The following AOX1 variants were observed in gnomAD, a reference collection of about 807,000 sequenced individuals.
AOX1 encodes the protein aldehyde oxidase.
Under a neutral mutation model 169.5 loss-of-function variants are expected in AOX1, and 153 were observed. The ratio of observed to expected loss-of-function variants is 0.90; its 90% CI spans 0.79 to 1.03. The LOEUF (loss-of-function observed/expected upper bound fraction) is 1.03. Among genes scored for constraint, AOX1 ranks in the 50% least tolerant of loss-of-function variants. The probability of loss-of-function intolerance (pLI) is 0.00; values close to 1 mark genes in which losing one functional copy is unlikely to be tolerated. For missense variants in AOX1, 1,656 were observed against 1,663.9 expected, an observed-to-expected ratio of 1.00 and a Z score of 0.08; for synonymous variants, 562 against 581.9, an observed-to-expected ratio of 0.97 and a Z score of 0.49.
chr2:200,651,250 C>T (rs371407111), intron 26 of AOX1, 49 bp downstream of exon 26: 3 of 1,535,424 alleles, frequency 2.0e-6, no homozygotes, highest in Non-Finnish European at 2.7e-6. Flanking sequence ...GCAGCCCTGA[C>T]AAAGCAAGAG....
chr2:200,646,614 T>C (rs923336092), intron 25 of AOX1, among the ~76,000 whole-genome samples: 13 of 152,224 alleles, frequency 8.5e-5, no homozygotes, highest in African/African-American at 3.1e-4. Context: ...TGTTTCTTTG[T>C]TGACTTTCTG....
chr2:200,631,181 A>T (rs2035119102), intron 20 of AOX1, among the ~76,000 whole-genome samples: 1 of 152,228 alleles, frequency 6.6e-6, no homozygotes, highest in Non-Finnish European at 1.5e-5. Flanking sequence ...GTGTCACAGC[A>T]CCAGAGGATG....
At chr2:200,592,932 A>G (rs2034205244) in intron 1 of AOX1, among the ~76,000 whole-genome samples, 1 of 152,226 alleles carries the variant, frequency 6.6e-6, no homozygotes, top group Non-Finnish European at 1.5e-5. Flanking sequence ...GCGATAATTC[A>G]GGACCAAGGA....
chr2:200,593,847 T>A (rs1462892435), intron 2 of AOX1, among the ~76,000 whole-genome samples: 8 of 152,144 alleles, frequency 5.3e-5, no homozygotes, highest in Admixed American at 5.2e-4. Context: ...TGAAACATGC[T>A]CATGAAAGTC....
At position 200,636,815 on chromosome 2, in the gene AOX1, G is replaced by T. The variant is rs560382338; in HGVS notation, c.2347-96G>T. ...GTCCATTTCAGGGGACAGGTTTTTTGTTGTTGTTGTTAAAATCATAGATGT... is the reference window on the plus strand; with the variant it reads ...GTCCATTTCAGGGGACAGGTTTTTTTTTGTTGTTGTTAAAATCATAGATGT... On this transcript the variant is annotated intron_variant, in intron 21 of 34. Coordinates refer to ENST00000374700, the MANE Select transcript of AOX1 (RefSeq NM_001159.4). 2,106 of 1,430,416 alleles carry T rather than the reference G, an allele frequency of 1.5e-3. 2 individuals carry two copies. The highest frequency in any genetic ancestry group is 3.0e-3 in the African/African-American group (208 of 70,028). 88.6% of individuals were successfully genotyped at this position (1,430,416 alleles called of 1,614,324 possible).
chr2:200,588,846 G>C (rs1418342124), intron 1 of AOX1, among the ~76,000 whole-genome samples: 1 of 149,336 alleles, frequency 6.7e-6, no homozygotes, highest in Non-Finnish European at 1.5e-5. Context: ...TAGAGATGGG[G>C]TTTCACTATG....
At chr2:200,620,988 C>G in intron 17 of AOX1, 132 bp from the exon 18 acceptor site, 5 of 1,350,784 alleles carry the variant, frequency 3.7e-6, no homozygotes, top group Non-Finnish European at 5.0e-6. Flanking sequence ...TTCGTTGTCC[C>G]AAGAATTTTT....
Position 200,604,007 on chromosome 2 carries a change from C to T in AOX1, c.589-10C>T, listed in dbSNP as rs1039391555. On this transcript the variant is annotated splice_polypyrimidine_tract_variant and intron_variant, in intron 7 of 34. Coordinates refer to ENST00000374700, the MANE Select transcript of AOX1 (RefSeq NM_001159.4). The stretch of plus-strand genomic sequence containing the variant: ...CGATAACAGTAATTTCTGATATGTT[C>T]TCTTTTTAGACAAGTCCAAAACTCT... The T allele has an allele frequency of 6.3e-7, 1 of 1,586,858 alleles. No individual in the cohort carries two copies. Among genetic ancestry groups the T allele is most frequent in the Non-Finnish European group, 8.7e-7 (1 of 1,155,574 alleles).
At chr2:200,640,454 C>T (rs2035331723) in intron 23 of AOX1, among the ~76,000 whole-genome samples, 1 of 152,062 alleles carries the variant, frequency 6.6e-6, no homozygotes, top group Non-Finnish European at 1.5e-5. Context: ...TGAGATATGA[C>T]AGTAAGTTGT....
At chr2:200,676,417 T>C (rs140654655), downstream of AOX1, among the ~76,000 whole-genome samples, 1 of 151,946 alleles carries the variant, frequency 6.6e-6, no homozygotes, top group Non-Finnish European at 1.5e-5. Context: ...CTGGCTAACA[T>C]GGTGAAACCC....
chr2:200,586,259 C>A, intron 1 of AOX1, 106 bp downstream of exon 1: 1 of 1,222,922 alleles, frequency 8.2e-7, no homozygotes, highest in Non-Finnish European at 1.1e-6. Flanking sequence ...GTTTAAGGCA[C>A]TCAGGCACGG....
chr2:200,677,256 G>T (rs546606108), downstream of AOX1, among the ~76,000 whole-genome samples: 2 of 152,140 alleles, frequency 1.3e-5, no homozygotes, highest in South Asian at 4.1e-4. Context: ...GGAGAGGGAG[G>T]TGGAGAAAGA....
At chr2:200,659,764 C>T (rs1241482366) in intron 28 of AOX1, among the ~76,000 whole-genome samples, 3 of 149,824 alleles carry the variant, frequency 2.0e-5, no homozygotes, top group Non-Finnish European at 4.4e-5. Context: ...TTTAGCATGG[C>T]TTACAAGGCC....
chr2:200,667,237 A>T (rs1284664853), intron 32 of AOX1, among the ~76,000 whole-genome samples: 1 of 152,206 alleles, frequency 6.6e-6, no homozygotes, highest in Non-Finnish European at 1.5e-5. Context: ...AAAGTCATAA[A>T]TATCTAGTTT....
At chr2:200,607,092 C>T (rs1182753380) in intron 10 of AOX1, among the ~76,000 whole-genome samples, 3 of 152,092 alleles carry the variant, frequency 2.0e-5, no homozygotes, top group African/African-American at 7.2e-5. Flanking sequence ...AGCTTTTGCC[C>T]ATTCAGTATG....
intron 25 of AOX1, among the ~76,000 whole-genome samples, chr2:200,647,903 A>G (rs1395958245): frequency 2.6e-5 from 4 of 151,714 alleles, no homozygotes; most frequent in South Asian, 2.1e-4. Context: ...AGCATTTTGC[A>G]TTTCTAAAAG....
At position 200,599,668 on chromosome 2, in the gene AOX1, G is replaced by A. The variant is rs1451466122; in HGVS notation, c.358G>A (p.Gly120Arg). 2 of 1,612,360 alleles carry A rather than the reference G, an allele frequency of 1.2e-6. No individual in the cohort carries two copies. Residue 120 changes from glycine (G) to arginine (R), a missense_variant, in exon 5 of 35, where the codon GGG (glycine) becomes AGG (arginine). Physicochemically the swap from Gly to Arg is moderately radical, Grantham distance 125. Coordinates refer to ENST00000374700, the MANE Select transcript of AOX1 (RefSeq NM_001159.4). ...HGTQCGFCTP[G>R]MVMSIYTLLR... ...CACCCAGTGTGGCTTCTGCACACCT[G>A]GGATGGTGATGTCCATCTACACGCT...
chr2:200,618,422 ATG>A (rs1298416554), intron 16 of AOX1, among the ~76,000 whole-genome samples: 1 of 152,182 alleles, frequency 6.6e-6, no homozygotes, highest in South Asian at 2.1e-4. Flanking sequence ...TCCTACACAC[ATG>A]TCTTATACCA....
intron 25 of AOX1, among the ~76,000 whole-genome samples, chr2:200,649,113 C>T (rs560803411): frequency 6.6e-6 from 1 of 152,208 alleles, no homozygotes; most frequent in Admixed American, 6.5e-5. Context: ...AGGCTTCTTG[C>T]CCCATTCAAA....
Sources: gnomAD v4.1 joint callset for allele counts (sites outside exome capture counted in the v4.1 genomes callset) on GRCh38, gnomAD v4.1.1 for gene constraint, MANE v1.5 for transcripts, NCBI Gene and HGNC (gene_info 2026-07-23, HGNC 2026-07-21) for gene names.